The following NXPE2 variants were observed in gnomAD, a reference collection of about 807,000 sequenced individuals.
NXPE2 encodes neurexophilin and PC-esterase domain family member 2, also known as NXPE family member 2.
In NXPE2, 34 loss-of-function variants were observed where a neutral mutation model predicts 34.4. The observed-to-expected ratio is 0.99, with a 90% CI of 0.75 to 1.31. The LOEUF is 1.31. Ranked by LOEUF, NXPE2 falls within the 40% of genes most tolerant of loss-of-function variation. The pLI, the probability that NXPE2 is intolerant of heterozygous loss-of-function variation, is 0.00. For synonymous variants in NXPE2, 235 were observed against 231.3 expected, an observed-to-expected ratio of 1.02 and a Z score of -0.15; for missense variants, 649 against 672.5, an observed-to-expected ratio of 0.97 and a Z score of 0.39.
At chr11:114,500,596 T>G in the NXPE2 span, among the ~76,000 whole-genome samples, 6 of 152,200 alleles carry the variant, frequency 3.9e-5, no homozygotes, top group African/African-American at 1.4e-4. Context: ...TTTTGAAGAA[T>G]AGAAGATCTT....
chr11:114,626,403 C>G, the NXPE2 span, among the ~76,000 whole-genome samples: 4 of 152,186 alleles, frequency 2.6e-5, no homozygotes, highest in Non-Finnish European at 4.4e-5. Context: ...GAGGCACCCC[C>G]CAACAGGGGC....
chr11:114,554,394 CA>C, the NXPE2 span: 1 of 984,956 alleles, frequency 1.0e-6, no homozygotes, highest in Non-Finnish European at 1.2e-6. Flanking sequence ...GAGGTGATGA[CA>C]ATATTCCAGA....
chr11:114,501,124 G>A, the NXPE2 span, among the ~76,000 whole-genome samples: 2 of 152,176 alleles, frequency 1.3e-5, no homozygotes, highest in African/African-American at 4.8e-5. Context: ...TATTCACCTG[G>A]GTAGGAATGT....
chr11:114,696,030 A>AAAG lies in NXPE2; in HGVS notation c.133-1997_133-1995dup, dbSNP rs903645155. Among the ~76,000 whole-genome samples, 9 of 151,558 alleles carry AAAG rather than the reference A, an allele frequency of 5.9e-5. No individual in the cohort carries two copies. In the East Asian group the frequency reaches 1.2e-3, roughly 20 times the overall value. Reference sequence around the variant, plus strand: ...GAGACTCCATCTCGATTAAGAAAAAAAAGAAGAAGAAGAAGAAGAAATCAG... The same window carrying AAAG: ...GAGACTCCATCTCGATTAAGAAAAAAAAGAAGAAGAAGAAGAAGAAGAAATCAG... On this transcript the variant is annotated intron_variant, in intron 2 of 5. Transcript: ENST00000389586.
At chr11:114,560,273 CTTTTT>C in the NXPE2 span, among the ~76,000 whole-genome samples, 3 of 135,178 alleles carry the variant, frequency 2.2e-5, no homozygotes, top group East Asian at 2.1e-4. Flanking sequence ...CTTTTTTTTT[CTTTTT>C]TTTTTTTTTT....
the NXPE2 span, among the ~76,000 whole-genome samples, chr11:114,616,478 C>T: frequency 6.6e-6 from 1 of 151,642 alleles, no homozygotes; most frequent in Non-Finnish European, 1.5e-5. Flanking sequence ...ATAAGTGTTG[C>T]CTCGAGGGTA....
the NXPE2 span, among the ~76,000 whole-genome samples, chr11:114,468,007 C>T: frequency 1.3e-5 from 2 of 151,714 alleles, no homozygotes; most frequent in Non-Finnish European, 2.9e-5. Context: ...TATGGGAGAG[C>T]CTGATGATAC....
the NXPE2 span, among the ~76,000 whole-genome samples, chr11:114,669,365 C>T: frequency 3.3e-5 from 5 of 152,088 alleles, no homozygotes; most frequent in Non-Finnish European, 5.9e-5. Flanking sequence ...TGACAAAGCT[C>T]TACTCTGGCA....
the NXPE2 span, among the ~76,000 whole-genome samples, chr11:114,787,895 T>G: frequency 6.6e-6 from 1 of 152,130 alleles, no homozygotes; most frequent in Admixed American, 6.5e-5. Flanking sequence ...CTCTTTTCTT[T>G]GGGACTCGGC....
the NXPE2 span, among the ~76,000 whole-genome samples, chr11:114,733,386 C>G: frequency 6.6e-6 from 1 of 152,332 alleles, no homozygotes; most frequent in East Asian, 1.9e-4. Flanking sequence ...AGCCACCGTG[C>G]CCGGCCTAAT....
chr11:114,784,740 C>G, the NXPE2 span, among the ~76,000 whole-genome samples: 1 of 152,052 alleles, frequency 6.6e-6, no homozygotes, highest in African/African-American at 2.4e-5. Flanking sequence ...GGAGAAAAGC[C>G]AGAAGATTCC....
the NXPE2 span, among the ~76,000 whole-genome samples, chr11:114,779,354 G>A: frequency 2.7e-5 from 4 of 148,128 alleles, no homozygotes; most frequent in East Asian, 2.0e-4. Flanking sequence ...GGCCTGGGGC[G>A]GTGTGGGGGG....
the NXPE2 span, among the ~76,000 whole-genome samples, chr11:114,595,371 C>T: frequency 3.3e-5 from 5 of 152,152 alleles, no homozygotes; most frequent in Admixed American, 6.5e-5. Context: ...CTCTTTGCAC[C>T]GGAATTCCAA....
chr11:114,809,435 C>T, the NXPE2 span, among the ~76,000 whole-genome samples: 25 of 149,288 alleles, frequency 1.7e-4, no homozygotes, highest in African/African-American at 6.2e-4. Context: ...GATTGTATAT[C>T]TAGAAAACCC....
chr11:114,549,271 C>T, the NXPE2 span, among the ~76,000 whole-genome samples: 25,145 of 151,836 alleles, frequency 0.17, 2,323 homozygotes, highest in African/African-American at 0.23. Context: ...TCAATTCTTA[C>T]GAAATAAGTA....
At chr11:114,716,394 C>A in the NXPE2 span, among the ~76,000 whole-genome samples, 4 of 152,096 alleles carry the variant, frequency 2.6e-5, no homozygotes, top group Non-Finnish European at 1.5e-5. Flanking sequence ...ATTAATTACC[C>A]CAGGAAGAGG....
the NXPE2 span, among the ~76,000 whole-genome samples, chr11:114,788,396 A>G: frequency 6.6e-6 from 1 of 152,190 alleles, no homozygotes. Context: ...CATTGCAGAC[A>G]CTGCTGGAGG....
the NXPE2 span, chr11:114,554,391 T>G: frequency 2.0e-6 from 2 of 985,152 alleles, no homozygotes; most frequent in Non-Finnish European, 2.4e-6. Context: ...ACAGAGGTGA[T>G]GACAATATTC....
chr11:114,769,160 C>A, the NXPE2 span, among the ~76,000 whole-genome samples: 3 of 151,842 alleles, frequency 2.0e-5, no homozygotes, highest in African/African-American at 7.2e-5. Flanking sequence ...TATGAATGGA[C>A]ACTTCTCAAA....
Sources: allele counts gnomAD v4.1 joint callset (sites outside exome capture counted in the v4.1 genomes callset), GRCh38; gene constraint gnomAD v4.1.1; transcripts MANE v1.5; gene names NCBI Gene and HGNC (gene_info 2026-07-23, HGNC 2026-07-21).